The following FAM81B variants were observed in gnomAD, a reference collection of about 807,000 sequenced individuals.
FAM81B encodes family with sequence similarity 81 member B, also known as protein FAM81B.
Under a neutral mutation model 58.7 loss-of-function variants are expected in FAM81B, and 60 were observed. The observed-to-expected ratio is 1.02, with a 90% CI of 0.83 to 1.27. FAM81B has a LOEUF of 1.27. Ranked by LOEUF, FAM81B falls within the 50% of genes most tolerant of loss-of-function variation. The probability of loss-of-function intolerance (pLI) is 0.00; values close to 1 mark genes in which losing one functional copy is unlikely to be tolerated. For missense variants in FAM81B, 491 were observed against 522.0 expected, an observed-to-expected ratio of 0.94 and a Z score of 0.58; for synonymous variants, 189 against 179.6, an observed-to-expected ratio of 1.05 and a Z score of -0.42.
intron 9 of FAM81B, 61 bp downstream of exon 9, chr5:95,448,525 C>A (rs1487750714): frequency 4.1e-6 from 6 of 1,477,820 alleles, no homozygotes; most frequent in Non-Finnish European, 5.4e-6. Flanking sequence ...ATCCCTCAGT[C>A]TTCCACTTTG....
chr5:95,391,600 A>G, intron 1 of FAM81B, 87 bp downstream of exon 1: 1 of 1,420,234 alleles, frequency 7.0e-7, no homozygotes, highest in Middle Eastern at 2.5e-4. Context: ...AAAATAATGA[A>G]TCCCAATGAA....
rs73141940 is a variant in FAM81B, at chr5:95,429,151, C to T, written c.786+419C>T. ...CTTAAAGCCCTGCAATGGGTTGTAT[C>T]TCTTACAAAATAACATGTAAGTCCT... On this transcript the variant is annotated intron_variant, in intron 6 of 9. Transcript: ENST00000283357. Among the ~76,000 whole-genome samples the T allele has an allele frequency of 2.8e-3, 434 of 152,328 alleles. 1 individual carries two copies. The highest frequency in any genetic ancestry group is 9.8e-3 in the African/African-American group (406 of 41,572).
chr5:95,412,073 G>A (rs1302358691), intron 3 of FAM81B, among the ~76,000 whole-genome samples: 2 of 152,092 alleles, frequency 1.3e-5, no homozygotes, highest in African/African-American at 4.8e-5. Context: ...GCAATTGCCT[G>A]GAGGTAGTCC....
intron 5 of FAM81B, among the ~76,000 whole-genome samples, chr5:95,427,441 A>G (rs1762877154): frequency 6.6e-6 from 1 of 152,050 alleles, no homozygotes; most frequent in African/African-American, 2.4e-5. Context: ...CTTCACCCCC[A>G]CTACAACCAT....
intron 2 of FAM81B, among the ~76,000 whole-genome samples, chr5:95,395,296 AG>A (rs1288780259): frequency 3.8e-4 from 58 of 152,158 alleles, no homozygotes; most frequent in African/African-American, 1.1e-3. Context: ...AAAAAAATTT[AG>A]CCAGGCGTGG....
Position 95,448,349 on chromosome 5 carries a change from G to A in FAM81B, c.1110G>A (p.Gln370=), listed in dbSNP as rs1745664545. ...AGAATTTCATTAACACACAGAAACA[G>A]GAAACACAACTAAGTAAAGTAAAGC... ...KVENFINTQK[Q]ETQLSKVKHM... is the part of the protein sequence containing the mutation. Residue 370 remains glutamine, a synonymous_variant, in exon 9 of 10, where the codon CAG becomes CAA. Coordinates refer to ENST00000283357, the MANE Select transcript of FAM81B (RefSeq NM_152548.3). The A allele has an allele frequency of 1.2e-6, 2 of 1,611,768 alleles. No individual in the cohort carries two copies. Among genetic ancestry groups the A allele is most frequent in the Non-Finnish European group, 1.7e-6 (2 of 1,179,262 alleles).
intron 9 of FAM81B, chr5:95,448,768 C>G (rs1745687804): frequency 4.3e-6 from 2 of 464,912 alleles, no homozygotes; most frequent in Admixed American, 2.5e-5. Context: ...TTGGAAAATC[C>G]TTGGACATAC....
intron 5 of FAM81B, chr5:95,424,025 GTTCT>G: frequency 7.8e-7 from 1 of 1,289,394 alleles, no homozygotes; most frequent in Non-Finnish European, 1.0e-6. Flanking sequence ...ATGCAACCGT[GTTCT>G]TTATCATTTC....
At chr5:95,407,430 GCACA>G (rs1331274006) in intron 3 of FAM81B, among the ~76,000 whole-genome samples, 2 of 142,240 alleles carry the variant, frequency 1.4e-5, no homozygotes, top group Admixed American at 6.9e-5. Flanking sequence ...ACGCGTGCGC[GCACA>G]CAAACACACA....
chr5:95,436,708 T>A, intron 6 of FAM81B, 92 bp from the exon 7 acceptor site: 1 of 838,980 alleles, frequency 1.2e-6, no homozygotes, highest in Admixed American at 2.0e-5. Context: ...AGTATATTAA[T>A]CTGTTTCCCG....
intron 4 of FAM81B, among the ~76,000 whole-genome samples, chr5:95,415,586 T>C (rs1196363218): frequency 1.3e-5 from 2 of 152,194 alleles, no homozygotes; most frequent in Admixed American, 1.3e-4. Context: ...CCATGCATAA[T>C]GAAGTATCAT....
At chr5:95,425,263 T>A (rs1240507133) in intron 5 of FAM81B, among the ~76,000 whole-genome samples, 1 of 151,142 alleles carries the variant, frequency 6.6e-6, no homozygotes, top group Non-Finnish European at 1.5e-5. Flanking sequence ...ACTGTGACCA[T>A]GGAAAAAATG....
intron 5 of FAM81B, among the ~76,000 whole-genome samples, chr5:95,422,137 G>T (rs1306936397): frequency 7.0e-6 from 1 of 143,310 alleles, no homozygotes; most frequent in Non-Finnish European, 1.5e-5. Flanking sequence ...TTGTGGCTTT[G>T]GGAAAGACTT....
At chr5:95,437,245 G>A (rs945048708) in intron 7 of FAM81B, among the ~76,000 whole-genome samples, 3 of 151,932 alleles carry the variant, frequency 2.0e-5, no homozygotes, top group African/African-American at 7.3e-5. Context: ...CATTCCTCAA[G>A]ATTATCAAAT....
intron 5 of FAM81B, 127 bp from the exon 6 acceptor site, chr5:95,428,476 A>T: frequency 8.5e-7 from 1 of 1,182,710 alleles, no homozygotes. Context: ...ATACACTCCT[A>T]TATCTACCAA....
At chr5:95,438,369 G>A (rs191036372) in intron 7 of FAM81B, among the ~76,000 whole-genome samples, 241 of 152,274 alleles carry the variant, frequency 1.6e-3, no homozygotes, top group South Asian at 4.4e-3. Context: ...AGAATTGACT[G>A]TATAGGGAAG....
intron 4 of FAM81B, among the ~76,000 whole-genome samples, chr5:95,416,974 G>A (rs976508034): frequency 9.2e-5 from 14 of 152,206 alleles, no homozygotes; most frequent in East Asian, 5.8e-4. Flanking sequence ...AGCCCAAGAG[G>A]TGAAGGCTGC....
chr5:95,395,884 C>T (rs1453943843), intron 2 of FAM81B, among the ~76,000 whole-genome samples: 1 of 152,166 alleles, frequency 6.6e-6, no homozygotes, highest in African/African-American at 2.4e-5. Flanking sequence ...GTTTTCTTGA[C>T]TGTGATACCA....
intron 7 of FAM81B, among the ~76,000 whole-genome samples, chr5:95,444,620 G>A (rs954519869): frequency 1.3e-5 from 2 of 152,044 alleles, no homozygotes; most frequent in Non-Finnish European, 1.5e-5. Context: ...CTAAGAACAC[G>A]AATAGAAACC....
Sources: gnomAD v4.1 joint callset for allele counts (sites outside exome capture counted in the v4.1 genomes callset) on GRCh38, gnomAD v4.1.1 for gene constraint, MANE v1.5 for transcripts, NCBI Gene and HGNC (gene_info 2026-07-23, HGNC 2026-07-21) for gene names.